PDZRN4: variants seen among roughly 807,000 people sequenced by gnomAD.
The protein encoded by PDZRN4 is PDZ domain-containing RING finger protein 4.
A neutral mutation model predicts 99.0 loss-of-function variants in PDZRN4; 70 were observed. The ratio of observed to expected loss-of-function variants is 0.71; its 90% confidence interval spans 0.58 to 0.86. The LOEUF (loss-of-function observed/expected upper bound fraction) is 0.86. Among genes scored for constraint, PDZRN4 ranks in the 40% least tolerant of loss-of-function variants. The pLI is 0.00. For synonymous variants in PDZRN4, 551 were observed against 501.6 expected, an observed-to-expected ratio of 1.10 and a Z score of -1.32; for missense variants, 1,474 against 1,331.2, an observed-to-expected ratio of 1.11 and a Z score of -1.67.
chr12:41,359,919 G>A (rs1434613343), intron 3 of PDZRN4, among the ~76,000 whole-genome samples: 2 of 151,998 alleles, frequency 1.3e-5, no homozygotes, highest in African/African-American at 4.8e-5. Flanking sequence ...TTTCTAAGAA[G>A]CAGTAGTGGA....
At position 41,188,936 on chromosome 12, in the gene PDZRN4, G is replaced by T; in HGVS notation, c.481G>T (p.Gly161Trp). The T allele has an allele frequency of 8.0e-7, 1 of 1,255,144 alleles. No individual in the cohort carries two copies. Among genetic ancestry groups the T allele is most frequent in the African/African-American group, 1.6e-5 (1 of 64,006 alleles). The allele number at this position is 1,255,144 out of a possible 1,614,324, so 77.8% of individuals were successfully genotyped here. A position where few individuals can be genotyped will look rare whatever the true frequency, so the allele number is the denominator to read the frequency against. The change falls in exon 1 of 10, where the codon GGG becomes TGG. Residue 161 changes from glycine to tryptophan, a missense_variant. Gly to Trp is a radical substitution (Grantham distance 184, BLOSUM62 -2). Transcript: ENST00000402685. Reference sequence around the variant, plus strand: ...CCGCTGGGGCCGCGGGCGGGGACCCGGGCCTCGGGTCCTCGCCTGGAGGCG... The same window carrying T: ...CCGCTGGGGCCGCGGGCGGGGACCCTGGCCTCGGGTCCTCGCCTGGAGGCG... The part of the protein sequence containing the change: ...GGRWGRGRGP[G>W]PRVLAWRRRE...
At chr12:41,283,177 G>A (rs537206231) in intron 3 of PDZRN4, among the ~76,000 whole-genome samples, 37 of 151,980 alleles carry the variant, frequency 2.4e-4, no homozygotes, top group Non-Finnish European at 5.0e-4. Flanking sequence ...AATGATAAAG[G>A]GGATATGACC....
chr12:41,490,854 A>G (rs1937872129), intron 3 of PDZRN4, among the ~76,000 whole-genome samples: 2 of 152,098 alleles, frequency 1.3e-5, no homozygotes, highest in Admixed American at 6.6e-5. Context: ...TCTTCTAACT[A>G]CTGGTGCAAT....
At chr12:41,329,059 C>T (rs1450242281) in intron 3 of PDZRN4, among the ~76,000 whole-genome samples, 1 of 152,114 alleles carries the variant, frequency 6.6e-6, no homozygotes, top group Non-Finnish European at 1.5e-5. Flanking sequence ...ACTTGTTCCT[C>T]ACCTCTATTT....
chr12:41,561,770 T>G (rs1939274835), intron 7 of PDZRN4, among the ~76,000 whole-genome samples: 1 of 151,804 alleles, frequency 6.6e-6, no homozygotes, highest in Non-Finnish European at 1.5e-5. Flanking sequence ...AATAAACAGG[T>G]CCATGTTTGA....
intron 3 of PDZRN4, among the ~76,000 whole-genome samples, chr12:41,459,612 A>T (rs1049872947): frequency 6.6e-6 from 1 of 152,224 alleles, no homozygotes; most frequent in African/African-American, 2.4e-5. Flanking sequence ...AGCTAAATAA[A>T]TGCAATGCTT....
chr12:41,537,584 G>A (rs1385924545), intron 5 of PDZRN4, among the ~76,000 whole-genome samples: 2 of 152,146 alleles, frequency 1.3e-5, no homozygotes, highest in Non-Finnish European at 2.9e-5. Context: ...TCAGATTACA[G>A]AGGGCCTATA....
chr12:41,211,570 G>T (rs571555118), intron 3 of PDZRN4, among the ~76,000 whole-genome samples: 2 of 151,974 alleles, frequency 1.3e-5, no homozygotes, highest in East Asian at 3.9e-4. Context: ...AGAGAGATAT[G>T]ATCTTAATCA....
rs562024910 is a variant in PDZRN4, at chr12:41,278,020, G to T, written c.843+83832G>T. Among the ~76,000 whole-genome samples, 13 of 152,270 alleles carry T rather than the reference G, an allele frequency of 8.5e-5. No individual in the cohort carries two copies. In the East Asian group the frequency reaches 1.9e-3, roughly 23 times the overall value. On this transcript the variant is annotated intron_variant, in intron 3 of 9. Transcript: ENST00000402685. ...TCCAAAAGCCAATTATGCTAATGAC[G>T]CTCTTAGATGTAAAAGCTGTAGCTA...
At chr12:41,399,280 A>G (rs2121136981) in intron 3 of PDZRN4, among the ~76,000 whole-genome samples, 1 of 152,334 alleles carries the variant, frequency 6.6e-6, no homozygotes, top group South Asian at 2.1e-4. Flanking sequence ...TGCATATATA[A>G]ACACATATGA....
At chr12:41,541,936 A>C (rs1451415351) in intron 5 of PDZRN4, among the ~76,000 whole-genome samples, 1 of 152,222 alleles carries the variant, frequency 6.6e-6, no homozygotes, top group Non-Finnish European at 1.5e-5. Context: ...ATATGTCTTC[A>C]AAGTGACTTT....
At chr12:41,530,534 GT>G (rs1440398528) in intron 5 of PDZRN4, among the ~76,000 whole-genome samples, 2 of 152,160 alleles carry the variant, frequency 1.3e-5, no homozygotes, top group Admixed American at 6.5e-5. Context: ...CTTGGTGGGC[GT>G]TTGGGTGTTT....
At chr12:41,284,730 C>T (rs145355558) in intron 3 of PDZRN4, among the ~76,000 whole-genome samples, 1,633 of 152,214 alleles carry the variant, frequency 0.011, 30 homozygotes, top group African/African-American at 0.037. Context: ...TGATCTTTGA[C>T]AAACCTGACA....
rs771134559 is a variant in PDZRN4, at chr12:41,506,505, C to T, written c.893C>T (p.Ala298Val). The stretch of plus-strand genomic sequence containing the variant: ...GCCACTCATGAAGAGGCAGTGGAAG[C>T]TTTTCGCAATGCCAAGGAGCCCATT... Reference protein sequence around the residue: ...SKATHEEAVEAFRNAKEPIVV... With the variant: ...SKATHEEAVEVFRNAKEPIVV... The change falls in exon 4 of 10, where the codon GCT (alanine) becomes GTT (valine). Residue 298 changes from alanine (A) to valine (V), a missense_variant. Ala to Val is a moderately conservative substitution (Grantham distance 64). Transcript: ENST00000402685. 10 of 1,613,514 alleles carry T rather than the reference C, an allele frequency of 6.2e-6. No individual in the cohort carries two copies. The African/African-American group carries it at 8.0e-5, about 13-fold the overall frequency.
intron 3 of PDZRN4, among the ~76,000 whole-genome samples, chr12:41,339,577 A>T (rs1366262082): frequency 6.6e-6 from 1 of 152,082 alleles, no homozygotes; most frequent in Non-Finnish European, 1.5e-5. Context: ...AAATGGACAA[A>T]TGAGACCATA....
chr12:41,230,053 A>G (rs1040480172), intron 3 of PDZRN4, among the ~76,000 whole-genome samples: 1 of 151,996 alleles, frequency 6.6e-6, no homozygotes, highest in Non-Finnish European at 1.5e-5. Flanking sequence ...TTTCAAAGCC[A>G]TCTGTGTCTC....
chr12:41,420,693 C>T (rs531255341), intron 3 of PDZRN4, among the ~76,000 whole-genome samples: 1 of 152,298 alleles, frequency 6.6e-6, no homozygotes, highest in East Asian at 1.9e-4. Flanking sequence ...CTTGACCCTT[C>T]ATCTTTTGAC....
At chr12:41,241,127 T>C (rs1365666272) in intron 3 of PDZRN4, among the ~76,000 whole-genome samples, 1 of 152,164 alleles carries the variant, frequency 6.6e-6, no homozygotes, top group East Asian at 1.9e-4. Flanking sequence ...AGATTTTGGA[T>C]TTTTTTAATA....
intron 3 of PDZRN4, among the ~76,000 whole-genome samples, chr12:41,494,181 T>C (rs1937947340): frequency 6.6e-6 from 1 of 152,072 alleles, no homozygotes; most frequent in Non-Finnish European, 1.5e-5. Flanking sequence ...CTTACTGTAT[T>C]TACTAAAAGG....
Sources: gnomAD v4.1 joint callset for allele counts (sites outside exome capture counted in the v4.1 genomes callset) on GRCh38, gnomAD v4.1.1 for gene constraint, MANE v1.5 for transcripts, NCBI Gene and HGNC (gene_info 2026-07-23, HGNC 2026-07-21) for gene names.